The following ATXN2L variants were observed in gnomAD, a reference collection of about 807,000 sequenced individuals.
The protein encoded by ATXN2L is ataxin 2 like, also known as ataxin-2-like protein.
Under a neutral mutation model 120.7 loss-of-function variants are expected in ATXN2L, and 24 were observed. The ratio of observed to expected loss-of-function variants is 0.20; its 90% CI spans 0.14 to 0.28. The LOEUF is 0.28. ATXN2L is among the 10% of genes least tolerant of loss of function. The pLI, the probability that ATXN2L is intolerant of heterozygous loss-of-function variation, is 1.00. For synonymous variants in ATXN2L, 653 were observed against 568.1 expected (o/e 1.15, Z -2.13); for missense variants, 1,312 against 1,432.3 (o/e 0.92, Z 1.36).
chr16:28,833,442 A>G lies in ATXN2L; in HGVS notation c.1959A>G (p.Gln653=). 2 of 1,614,220 alleles carry G rather than the reference A, an allele frequency of 1.2e-6. No homozygotes were observed. Among genetic ancestry groups the G allele is most frequent in the Non-Finnish European group, 1.7e-6 (2 of 1,180,040 alleles). Residue 653 remains glutamine, a synonymous_variant, in exon 15 of 22, where the codon CAA becomes CAG. Transcript: ENST00000336783. The part of the protein sequence containing the change: ...EDKDEGPVAE[Q]VKKSTLNPNA... The stretch of plus-strand genomic sequence containing the variant: ...TTTACTGTACTTTCTCTCACAGACA[A>G]GTAAAGAAATCAACGTTGAACCCTA...
chr16:28,827,973 A>C (rs1265245973), intron 6 of ATXN2L, among the ~76,000 whole-genome samples: 1 of 152,180 alleles, frequency 6.6e-6, no homozygotes, highest in African/African-American at 2.4e-5. Context: ...TTTGTACAAG[A>C]ATTTGCTTTT....
chr16:28,836,362 A>G lies in ATXN2L; in HGVS notation c.*97A>G. ...GGCAGAAGCCACAGTCGCCGCCGCC[A>G]GGGGCTTGCTCCTGGCTCTGTCCTT... On this transcript the variant is annotated 3_prime_UTR_variant, in exon 22 of 22. Transcript: ENST00000336783. The G allele has an allele frequency of 1.2e-6, 2 of 1,613,380 alleles. No homozygotes were observed. The highest frequency in any genetic ancestry group is 1.7e-6 in the Non-Finnish European group (2 of 1,179,848).
chr16:28,827,182 C>G (rs1223073716), intron 6 of ATXN2L, among the ~76,000 whole-genome samples, 196 bp downstream of exon 6: 1 of 152,090 alleles, frequency 6.6e-6, no homozygotes. Flanking sequence ...GTTTGTAATC[C>G]CAGCACTTTG....
Position 28,824,285 on chromosome 16 carries a change from G to A in ATXN2L, c.299+727G>A, listed in dbSNP as rs552533919. ...GTGGAGGCCCTGCTCAGTTTTTCCTGTGCGAGTGTGTGTGTGTTAATGGAA... is the reference window on the plus strand; with the variant it reads ...GTGGAGGCCCTGCTCAGTTTTTCCTATGCGAGTGTGTGTGTGTTAATGGAA... On this transcript the variant is annotated intron_variant, in intron 1 of 21. Coordinates refer to ENST00000336783, the MANE Select transcript of ATXN2L (RefSeq NM_007245.4). 259 of 1,169,692 alleles carry A rather than the reference G, an allele frequency of 2.2e-4. 1 individual carries two copies. The Middle Eastern group carries it at 2.3e-3, about 10-fold the overall frequency. The allele number at this position is 1,169,692 out of a possible 1,614,324, so 72.5% of individuals were successfully genotyped here. A position where few individuals can be genotyped will look rare whatever the true frequency, so the allele number is the denominator to read the frequency against.
intron 1 of ATXN2L, chr16:28,824,415 T>A: frequency 7.8e-7 from 1 of 1,281,220 alleles, no homozygotes; most frequent in Non-Finnish European, 1.0e-6. Context: ...GGGCGAGGCC[T>A]CCCGGTGGAT....
rs1596582113 is a variant in ATXN2L, at chr16:28,835,837, C to G, written c.2895+79C>G. On this transcript the variant is annotated intron_variant, in intron 21 of 21. Transcript: ENST00000336783. ...TGGGGACCATCCCATTGCCAAGTCC[C>G]TGGTGCCACCCTTGCCATAGTGCTC... The G allele has an allele frequency of 3.1e-6, 5 of 1,595,784 alleles. No homozygotes were observed. The East Asian group carries it at 1.1e-4, about 36-fold the overall frequency.
At chr16:28,826,588 TA>T in intron 5 of ATXN2L, 198 bp downstream of exon 5, 2 of 616,380 alleles carry the variant, frequency 3.2e-6, no homozygotes, top group Non-Finnish European at 5.4e-6. Context: ...GTCTAATATA[TA>T]ATGCGATGAA....
rs1015822059 is a variant in ATXN2L, at chr16:28,837,193, A to T, written c.*928A>T. ...GACTTTTACTTTTTATTACATAAAA[A>T]TATTAAAAAATAAATAAAAAAAATA... On this transcript the variant is annotated 3_prime_UTR_variant, in exon 22 of 22. Coordinates refer to ENST00000336783, the MANE Select transcript of ATXN2L (RefSeq NM_007245.4). 1 of 172,632 alleles carries T rather than the reference A, an allele frequency of 5.8e-6. No individual in the cohort carries two copies. Among genetic ancestry groups the T allele is most frequent in the Non-Finnish European group, 1.2e-5 (1 of 82,448 alleles). The allele number at this position is 172,632 out of a possible 1,614,324, so 10.7% of individuals were successfully genotyped here. A position where few individuals can be genotyped will look rare whatever the true frequency, so the allele number is the denominator to read the frequency against.
intron 1 of ATXN2L, chr16:28,824,399 C>G (rs1364882020): frequency 7.9e-7 from 1 of 1,273,872 alleles, no homozygotes; most frequent in Non-Finnish European, 1.0e-6. Context: ...TGCGCAGGCG[C>G]AGACCGGGCG....
At position 28,832,571 on chromosome 16, in the gene ATXN2L, A is replaced by C. The variant is rs763741209; in HGVS notation, c.1588+4A>C. 6.2e-6 allele frequency: 10 copies of C among 1,613,962 alleles called. No individual in the cohort carries two copies. Among genetic ancestry groups the C allele is most frequent in the Non-Finnish European group, 8.5e-7 (1 of 1,179,878 alleles). ...CTGGCTCGGATAGCTGGGAAAGGTG[A>C]GGGTGGTTTTTTTTCTGCTGAGGAT... On this transcript the variant is annotated splice_donor_region_variant and intron_variant, in intron 12 of 21. Coordinates refer to ENST00000336783, the MANE Select transcript of ATXN2L (RefSeq NM_007245.4).
Position 28,837,149 on chromosome 16 carries a change from A to G in ATXN2L, c.*884A>G. 1 of 306,850 alleles carries G rather than the reference A, an allele frequency of 3.3e-6. No homozygotes were observed. Among genetic ancestry groups the G allele is most frequent in the Non-Finnish European group, 6.2e-6 (1 of 161,044 alleles). The allele number at this position is 306,850 out of a possible 1,614,324, so 19.0% of individuals were successfully genotyped here. A position where few individuals can be genotyped will look rare whatever the true frequency, so the allele number is the denominator to read the frequency against. ...TGTGTGAGAGACAGACAGATGCCCC[A>G]CGAGGATGGCTGGACAAGGACTTTT... is the stretch of plus-strand genomic sequence containing the variant. On this transcript the variant is annotated 3_prime_UTR_variant, in exon 22 of 22. Transcript: ENST00000336783.
rs2052322175 is a variant in ATXN2L at position 28,827,002 on chromosome 16, C to T, written c.741+16C>T. 6.9e-7 allele frequency: 1 copy of T among 1,441,928 alleles called. No individual in the cohort carries two copies. The highest frequency in any genetic ancestry group is 9.2e-7 in the Non-Finnish European group (1 of 1,082,354). The allele number at this position is 1,441,928 out of a possible 1,614,324, so 89.3% of individuals were successfully genotyped here. On this transcript the variant is annotated intron_variant, in intron 6 of 21. Coordinates refer to ENST00000336783, the MANE Select transcript of ATXN2L (RefSeq NM_007245.4). The stretch of plus-strand genomic sequence containing the variant: ...GTCTGACATGGTATAGCCTCCTTCC[C>T]TGAGAACTTGGGAGCTGGACAGACA...
intron 15 of ATXN2L, 147 bp from the exon 16 acceptor site, chr16:28,833,918 A>G: frequency 1.1e-6 from 1 of 925,734 alleles, no homozygotes; most frequent in Non-Finnish European, 1.6e-6. Flanking sequence ...TCATCTCCTC[A>G]TAGGGTTTAA....
At chr16:28,831,931 T>A (rs918191190) in intron 10 of ATXN2L, among the ~76,000 whole-genome samples, 2 of 152,240 alleles carry the variant, frequency 1.3e-5, no homozygotes, top group African/African-American at 4.8e-5. Context: ...TAGTTTCTTT[T>A]GAATTACAGG....
intron 10 of ATXN2L, among the ~76,000 whole-genome samples, chr16:28,831,799 C>T (rs532353519): frequency 1.7e-4 from 26 of 152,242 alleles, no homozygotes; most frequent in African/African-American, 5.8e-4. Flanking sequence ...TGGGGGGAAT[C>T]GCTTGAGCCC....
At chr16:28,828,910 A>G (rs564497136) in intron 6 of ATXN2L, among the ~76,000 whole-genome samples, 5 of 151,876 alleles carry the variant, frequency 3.3e-5, no homozygotes, top group East Asian at 1.9e-4. Context: ...CGGATGGCTA[A>G]TTTTTTATTT....
intron 6 of ATXN2L, among the ~76,000 whole-genome samples, chr16:28,828,039 G>C (rs950073302): frequency 6.6e-6 from 1 of 152,108 alleles, no homozygotes; most frequent in African/African-American, 2.4e-5. Flanking sequence ...TGCTTCTATT[G>C]TTGTGTGCTG....
At chr16:28,834,852 C>T (rs1473353430) in intron 18 of ATXN2L, 159 bp downstream of exon 18, 3 of 1,160,956 alleles carry the variant, frequency 2.6e-6, no homozygotes, top group East Asian at 5.1e-5. Context: ...TGAGCCCTGG[C>T]TCTGGTGGTA....
At chr16:28,831,116 G>T in intron 10 of ATXN2L, 44 bp downstream of exon 10, 2 of 1,271,918 alleles carry the variant, frequency 1.6e-6, no homozygotes, top group Non-Finnish European at 2.2e-6. Flanking sequence ...ATGGAAATTT[G>T]TAAAGAGATG....
Sources: allele counts gnomAD v4.1 joint callset (sites outside exome capture counted in the v4.1 genomes callset), GRCh38; gene constraint gnomAD v4.1.1; transcripts MANE v1.5; gene names NCBI Gene and HGNC (gene_info 2026-07-23, HGNC 2026-07-21).